The following SHANK1 variants were observed in gnomAD, a reference collection of about 807,000 sequenced individuals.
The protein encoded by SHANK1 is SH3 and multiple ankyrin repeat domains protein 1.
A neutral mutation model predicts 165.6 loss-of-function variants in SHANK1; 35 were observed. The observed-to-expected ratio is 0.21, with a 90% CI of 0.16 to 0.28. The LOEUF is 0.28. SHANK1 is among the 10% of genes least tolerant of loss of function. The pLI is 1.00. For missense variants in SHANK1, 2,681 were observed against 3,036.4 expected (o/e 0.88, Z 2.75); for synonymous variants, 1,428 against 1,384.8 (o/e 1.03, Z -0.69).
Position 50,662,073 on chromosome 19 carries a change from G to A in SHANK1, c.6378C>T (p.Gly2126=). The A allele has an allele frequency of 1.2e-6, 2 of 1,614,212 alleles. No individual in the cohort carries two copies. The highest frequency in any genetic ancestry group is 1.7e-6 in the Non-Finnish European group (2 of 1,180,028). ...RAQFLDHEID[G]SHLPALTKED... is the part of the protein sequence containing the mutation. ...CCTTGGTCAAGGCGGGCAGGTGGGA[G>A]CCATCGATCTCGTGGTCCAGGAACT... The change falls in exon 24 of 24, where the codon GGC becomes GGT. Residue 2126 remains glycine, a synonymous_variant. Transcript: ENST00000293441. This position sits in a 1 kb window ranked among gnomAD's most constrained non-coding sequence, Gnocchi z 7.7.
At chr19:50,680,695 A>C (rs1986151247) in intron 21 of SHANK1, among the ~76,000 whole-genome samples, 1 of 145,454 alleles carries the variant, frequency 6.9e-6, no homozygotes, top group African/African-American at 2.6e-5. Flanking sequence ...GCACCCTGTC[A>C]CCCAGGCTGG....
rs1327468623 is a variant in SHANK1, at chr19:50,687,681, G to A, written c.2309-19C>T. The A allele has an allele frequency of 1.4e-6, 2 of 1,471,946 alleles. No individual in the cohort carries two copies. Among genetic ancestry groups the A allele is most frequent in the Admixed American group, 5.1e-5 (2 of 39,212 alleles). 91.2% of individuals were successfully genotyped at this position (1,471,946 alleles called of 1,614,324 possible). On this transcript the variant is annotated intron_variant, in intron 18 of 23. Coordinates refer to ENST00000293441, the MANE Select transcript of SHANK1 (RefSeq NM_016148.5). ...TGGGGTGCTGAAAAGGTGATGAGGG[G>A]AGGCATCAGTATCATGGGGGAGATG...
chr19:50,716,353 G>T lies in SHANK1; in HGVS notation c.381C>A (p.Arg127=), dbSNP rs377430056. 1.2e-6 allele frequency: 2 copies of T among 1,614,198 alleles called. No homozygotes were observed. Among genetic ancestry groups the T allele is most frequent in the South Asian group, 2.2e-5 (2 of 91,088 alleles). The part of the protein sequence containing the change: ...YGLFQPATSG[R]DANFLEEERL... ...TCTCCTCCTCCAGGAAGTTGGCATC[G>T]CGGCCGGAGGTGGCCGGTTGGAACA... is the stretch of plus-strand genomic sequence containing the variant. The change falls in exon 3 of 24, where the codon CGC becomes CGA. Residue 127 remains arginine (R), a synonymous_variant. Transcript: ENST00000293441. The surrounding 1 kb of genome is among the most constrained non-coding windows in gnomAD (Gnocchi z 8.4).
rs1211672372 is a variant in SHANK1, at chr19:50,707,917, T to C, written c.1078-3403A>G. Among the ~76,000 whole-genome samples, 3 of 86,174 alleles carry C rather than the reference T, an allele frequency of 3.5e-5. No individual in the cohort carries two copies. The Admixed American group carries it at 4.8e-4, about 14-fold the overall frequency. 56.5% of individuals were successfully genotyped at this position (86,174 alleles called of 152,430 possible). ...TTTTCTTTTCTTTTCTTTTCTTTTC[T>C]TTTCTTTTCTTTTCTTTTCTTTTCT... On this transcript the variant is annotated intron_variant, in intron 8 of 23. Coordinates refer to ENST00000293441, the MANE Select transcript of SHANK1 (RefSeq NM_016148.5).
intron 15 of SHANK1, among the ~76,000 whole-genome samples, chr19:50,696,342 C>T (rs1305253877): frequency 6.6e-6 from 1 of 152,206 alleles, no homozygotes; most frequent in Non-Finnish European, 1.5e-5. Flanking sequence ...AACGGTCAAG[C>T]GCCTCAGACA....
chr19:50,667,564 G>A lies in SHANK1; in HGVS notation c.4396C>T (p.Pro1466Ser). 2 of 1,455,496 alleles carry A rather than the reference G, an allele frequency of 1.4e-6. No homozygotes were observed. Among genetic ancestry groups the A allele is most frequent in the Non-Finnish European group, 1.8e-6 (2 of 1,115,806 alleles). 90.2% of individuals were successfully genotyped at this position (1,455,496 alleles called of 1,614,324 possible). A position where few individuals can be genotyped will look rare whatever the true frequency, so the allele number is the denominator to read the frequency against. Residue 1466 changes from proline (P) to serine (S), a missense_variant, in exon 23 of 24, where the codon CCC becomes TCC. Transcript: ENST00000293441. The surrounding 1 kb of genome is among the most constrained non-coding windows in gnomAD (Gnocchi z 5.7). ...CTTACTCCGGGGTGCGGGGCCGGGG[G>A]CTCCGTCCCCAGCTGCAGCAGGAGG... Reference protein sequence around the residue: ...GPLLLQLGTEPPAPHPGVSKP... With the variant: ...GPLLLQLGTESPAPHPGVSKP...
intron 18 of SHANK1, 44 bp from the exon 19 acceptor site, chr19:50,687,706 G>T: frequency 7.1e-7 from 1 of 1,408,250 alleles, no homozygotes; most frequent in Non-Finnish European, 9.5e-7. Context: ...TGGGGGAGAT[G>T]CCCCCACCAC....
intron 10 of SHANK1, 57 bp from the exon 11 acceptor site, chr19:50,703,887 G>A (rs1395993900): frequency 1.3e-6 from 1 of 753,716 alleles, no homozygotes; most frequent in African/African-American, 1.8e-5. Flanking sequence ...GGCAAGCAGG[G>A]GGCCATGCGG....
chr19:50,715,352 T>C (rs569766237), intron 4 of SHANK1, among the ~76,000 whole-genome samples: 1 of 149,016 alleles, frequency 6.7e-6, no homozygotes, highest in African/African-American at 2.5e-5. Context: ...TGGATGGATA[T>C]GGGGGGAGGC....
Position 50,697,799 on chromosome 19 carries a change from G to A in SHANK1, c.1861+44C>T. 6.4e-7 allele frequency: 1 copy of A among 1,554,422 alleles called. No homozygotes were observed. Among genetic ancestry groups the A allele is most frequent in the South Asian group, 1.1e-5 (1 of 89,770 alleles). On this transcript the variant is annotated intron_variant, in intron 13 of 23. Transcript: ENST00000293441. The surrounding 1 kb of genome is among the most constrained non-coding windows in gnomAD (Gnocchi z 4.7). Reference sequence around the variant, plus strand: ...TTAGGAAGGGAAAGGAGTGGACGTGGGAATCCTAGGGTCCATTGAACACTG... The same window carrying A: ...TTAGGAAGGGAAAGGAGTGGACGTGAGAATCCTAGGGTCCATTGAACACTG...
rs1985576269 is a variant in SHANK1 at position 50,667,402 on chromosome 19, G to A, written c.4558C>T (p.Pro1520Ser). 2.0e-6 allele frequency: 3 copies of A among 1,520,216 alleles called. No individual in the cohort carries two copies. The highest frequency in any genetic ancestry group is 2.6e-6 in the Non-Finnish European group (3 of 1,140,524). The allele number at this position is 1,520,216 out of a possible 1,614,324, so 94.2% of individuals were successfully genotyped here. A position where few individuals can be genotyped will look rare whatever the true frequency, so the allele number is the denominator to read the frequency against. ...GGCACGGACCGGCGTGGGCTGGGCG[G>A]CGGGACCCCCGGCCCGTCCTCCGAG... ...PPSEDGPGVP[P>S]PSPRRSVPPS... Residue 1520 changes from proline to serine, a missense_variant, in exon 23 of 24, where the codon CCG becomes TCG. Coordinates refer to ENST00000293441, the MANE Select transcript of SHANK1 (RefSeq NM_016148.5). This position sits in a 1 kb window ranked among gnomAD's most constrained non-coding sequence, Gnocchi z 5.7.
rs374010159 is a variant in SHANK1 at position 50,667,105 on chromosome 19, A to T, written c.4855T>A (p.Ser1619Thr). The change falls in exon 23 of 24, where the codon TCC becomes ACC. Residue 1619 changes from serine (S) to threonine (T), a missense_variant. By Grantham distance (58) the Ser-to-Thr change is moderately conservative. Around this residue, in one of 10 missense-constraint regions of SHANK1, gnomAD observed 1,713 missense variants for 1,630.2 expected, o/e 1.05. Transcript: ENST00000293441. This position sits in a 1 kb window ranked among gnomAD's most constrained non-coding sequence, Gnocchi z 5.7. ...TAGGATGTCAGGCTGGATGCGGTGG[A>T]GTCCAGGGTGGGAGGGGCTGCGGCC... ...AVAAAPPTLD[S>T]TASSLTSYDS... 131 of 1,553,544 alleles carry T rather than the reference A, an allele frequency of 8.4e-5. No homozygotes were observed. The highest frequency in any genetic ancestry group is 1.1e-4 in the Non-Finnish European group (122 of 1,156,440).
chr19:50,665,966 A>T (rs933749212), intron 23 of SHANK1, among the ~76,000 whole-genome samples: 5 of 149,416 alleles, frequency 3.3e-5, no homozygotes, highest in Admixed American at 2.7e-4. Flanking sequence ...AGCCGAGATC[A>T]CGCCATTGCA....
rs1031078571 is a variant in SHANK1, at chr19:50,669,068, G to C, written c.2892C>G (p.Ala964=). Reference sequence around the variant, plus strand: ...GCCCGTCAAAGGATGCAGGGGAGGAGGCGGGGAGGGGGCCACCAGAGCCAG... The same window carrying C: ...GCCCGTCAAAGGATGCAGGGGAGGACGCGGGGAGGGGGCCACCAGAGCCAG... The part of the protein sequence containing the change: ...FNPGSGGPLP[A]SSPASFDGPS... Residue 964 remains alanine (A), a synonymous_variant, in exon 23 of 24, where the codon GCC becomes GCG. Transcript: ENST00000293441. The C allele has an allele frequency of 7.7e-6, 9 of 1,163,108 alleles. No individual in the cohort carries two copies. In the African/African-American group the frequency reaches 1.4e-4, roughly 18 times the overall value. The allele number at this position is 1,163,108 out of a possible 1,614,324, so 72.0% of individuals were successfully genotyped here.
rs1985618920 is a variant in SHANK1 at position 50,668,023 on chromosome 19, A to G, written c.3937T>C (p.Tyr1313His). The G allele has an allele frequency of 6.8e-7, 1 of 1,475,476 alleles. No homozygotes were observed. Among genetic ancestry groups the G allele is most frequent in the Non-Finnish European group, 8.9e-7 (1 of 1,118,986 alleles). The allele number at this position is 1,475,476 out of a possible 1,614,324, so 91.4% of individuals were successfully genotyped here. A position where few individuals can be genotyped will look rare whatever the true frequency, so the allele number is the denominator to read the frequency against. ...SAGSGAGYGG[Y>H]GAGSRAYGGG... The stretch of plus-strand genomic sequence containing the variant: ...CCGTAGGCTCGGCTACCGGCCCCGT[A>G]GCCGCCGTAGCCCGCGCCGCTGCCC... The change falls in exon 23 of 24, where the codon TAC (tyrosine) becomes CAC (histidine). Residue 1313 changes from tyrosine (Y) to histidine (H), a missense_variant. By Grantham distance (83) the Tyr-to-His change is moderately conservative. Around this residue, in one of 10 missense-constraint regions of SHANK1, gnomAD observed 1,713 missense variants for 1,630.2 expected, o/e 1.05. Transcript: ENST00000293441.
At position 50,661,154 on chromosome 19, in the gene SHANK1, G is replaced by A. The variant is rs111483219; in HGVS notation, c.*811C>T. ...ATGATGTGCATGGAGTCTGTGAGGGGGAGGGAAAATGTGTCCCAAGTGTGT... is the reference window on the plus strand; with the variant it reads ...ATGATGTGCATGGAGTCTGTGAGGGAGAGGGAAAATGTGTCCCAAGTGTGT... On this transcript the variant is annotated 3_prime_UTR_variant, in exon 24 of 24. Coordinates refer to ENST00000293441, the MANE Select transcript of SHANK1 (RefSeq NM_016148.5). Among the ~76,000 whole-genome samples, 7,466 of 152,190 alleles carry A rather than the reference G, an allele frequency of 0.049. 230 individuals carry two copies. The highest frequency in any genetic ancestry group is 0.076 in the South Asian group (367 of 4,816).
At chr19:50,704,601 C>A (rs2088915949) in intron 8 of SHANK1, 87 bp from the exon 9 acceptor site, 7 of 1,214,052 alleles carry the variant, frequency 5.8e-6, no homozygotes, top group South Asian at 2.5e-5. Flanking sequence ...GTGCTAAGAG[C>A]CTCAGGAATA....
chr19:50,704,279 C>T (rs1022747016), intron 9 of SHANK1, 93 bp from the exon 10 acceptor site: 7 of 1,396,108 alleles, frequency 5.0e-6, no homozygotes, highest in East Asian at 2.3e-5. Flanking sequence ...CCGACCCAAA[C>T]CTTCCACTCC....
Position 50,662,259 on chromosome 19 carries a change from C to G in SHANK1, c.6192G>C (p.Gly2064=). 1 of 1,610,610 alleles carries G rather than the reference C, an allele frequency of 6.2e-7. No homozygotes were observed. The highest frequency in any genetic ancestry group is 8.5e-7 in the Non-Finnish European group (1 of 1,177,676). The change falls in exon 24 of 24, where the codon GGG becomes GGC. Residue 2064 remains glycine, a synonymous_variant. Transcript: ENST00000293441. The surrounding 1 kb of genome is among the most constrained non-coding windows in gnomAD (Gnocchi z 7.7). ...FVPPHPGISG[G]LGGALSGASR... is the part of the protein sequence containing the mutation. ...AGGCCCCTGACAAGGCTCCCCCGAG[C>G]CCCCCGGATATCCCCGGGTGTGGCG... is the stretch of plus-strand genomic sequence containing the variant.
Sources: gnomAD v4.1 joint callset for allele counts (sites outside exome capture counted in the v4.1 genomes callset) on GRCh38, gnomAD v4.1.1 for gene constraint, gnomAD v4.1.1 regional missense constraint, Gnocchi (gnomAD v3.1) non-coding constraint, MANE v1.5 for transcripts, NCBI Gene and HGNC (gene_info 2026-07-23, HGNC 2026-07-21) for gene names.